HPGDS: variants seen among roughly 807,000 people sequenced by gnomAD.
The protein encoded by HPGDS is hematopoietic prostaglandin D synthase.
Under a neutral mutation model 23.1 loss-of-function variants are expected in HPGDS, and 26 were observed. The ratio of observed to expected loss-of-function variants is 1.13; its 90% CI spans 0.83 to 1.56. The LOEUF (loss-of-function observed/expected upper bound fraction) is 1.56, where lower values mean the gene tolerates loss of function less well. HPGDS is among the 40% of genes most tolerant of loss of function. HPGDS has a pLI of 0.00. For synonymous variants in HPGDS, 95 were observed against 77.9 expected (o/e 1.22, Z -1.16); for missense variants, 268 against 236.4 (o/e 1.13, Z -0.88).
chr4:94,319,928 C>T (rs1262870021), intron 2 of HPGDS, among the ~76,000 whole-genome samples: 2 of 152,122 alleles, frequency 1.3e-5, no homozygotes. Context: ...CACCCTGCAA[C>T]AGGCCCCAGT....
chr4:94,336,072 G>T lies in HPGDS; in HGVS notation c.-9-1434C>A, dbSNP rs925646308. On this transcript the variant is annotated intron_variant, in intron 1 of 5. Transcript: ENST00000295256. ...AATACAAAAATTAGCCAGGTGTGGT[G>T]GTGCGCGCCTGTAATCCCAGCTATT... Among the ~76,000 whole-genome samples, 9 of 152,050 alleles carry T rather than the reference G, an allele frequency of 5.9e-5. No individual in the cohort carries two copies. The South Asian group carries it at 6.2e-4, about 11-fold the overall frequency.
chr4:94,335,684 T>C (rs1720994685), intron 1 of HPGDS, among the ~76,000 whole-genome samples: 1 of 152,198 alleles, frequency 6.6e-6, no homozygotes, highest in South Asian at 2.1e-4. Flanking sequence ...ATAATGACTT[T>C]GATCTCATTC....
At chr4:94,340,311 C>CTTTCTTTTTCTTTTTTTCTTTTTT in intron 1 of HPGDS, among the ~76,000 whole-genome samples, 1 of 23,678 alleles carries the variant, frequency 4.2e-5, no homozygotes, top group African/African-American at 1.5e-4. Context: ...CTTTCTTTCT[C>CTTTCTTTTTCTTTTTTTCTTTTTT]TTTTTTTTTT....
At chr4:94,304,641 G>A (rs1303377663) in intron 4 of HPGDS, among the ~76,000 whole-genome samples, 2 of 152,008 alleles carry the variant, frequency 1.3e-5, no homozygotes. Flanking sequence ...TTATATATTA[G>A]CCAAGTCCTG....
At chr4:94,309,864 A>G (rs995833053) in intron 3 of HPGDS, among the ~76,000 whole-genome samples, 19 of 152,004 alleles carry the variant, frequency 1.2e-4, no homozygotes, top group Admixed American at 1.3e-4. Context: ...TTTGATTTAC[A>G]TTTCTCTGAT....
At chr4:94,316,023 A>G (rs1756390312) in intron 3 of HPGDS, among the ~76,000 whole-genome samples, 1 of 152,056 alleles carries the variant, frequency 6.6e-6, no homozygotes, top group Non-Finnish European at 1.5e-5. Flanking sequence ...CTTTTCTCAA[A>G]CCAGCTCTCC....
chr4:94,331,641 T>C (rs1756738286), intron 2 of HPGDS, among the ~76,000 whole-genome samples: 1 of 152,136 alleles, frequency 6.6e-6, no homozygotes, highest in South Asian at 2.1e-4. Flanking sequence ...AGCCTTCTGA[T>C]TGTAGAGCAG....
At chr4:94,332,455 C>T (rs918673541) in intron 2 of HPGDS, among the ~76,000 whole-genome samples, 4 of 152,222 alleles carry the variant, frequency 2.6e-5, no homozygotes, top group African/African-American at 9.6e-5. Context: ...GATAACACAC[C>T]GCTGTCCATG....
At chr4:94,317,728 G>T in intron 3 of HPGDS, 145 bp downstream of exon 3, 1 of 513,164 alleles carries the variant, frequency 1.9e-6, no homozygotes, top group Non-Finnish European at 3.4e-6. Flanking sequence ...AACTGATACA[G>T]GTGGTATATT....
At chr4:94,328,162 C>T (rs886674048) in intron 2 of HPGDS, among the ~76,000 whole-genome samples, 22 of 152,240 alleles carry the variant, frequency 1.4e-4, no homozygotes, top group African/African-American at 4.3e-4. Context: ...GAGTCCCTCC[C>T]GGCTCCAAGC....
chr4:94,332,470 G>A (rs1217312787), intron 2 of HPGDS, among the ~76,000 whole-genome samples: 1 of 152,250 alleles, frequency 6.6e-6, no homozygotes, highest in Non-Finnish European at 1.5e-5. Flanking sequence ...TCCATGGATG[G>A]CAGGGCTAAG....
intron 2 of HPGDS, among the ~76,000 whole-genome samples, chr4:94,323,484 T>A (rs1756560054): frequency 6.6e-6 from 1 of 152,222 alleles, no homozygotes; most frequent in African/African-American, 2.4e-5. Flanking sequence ...AGTTAGCTCT[T>A]CTTGTTGAAT....
At chr4:94,341,849 T>C (rs1377650872) in intron 1 of HPGDS, among the ~76,000 whole-genome samples, 2 of 152,168 alleles carry the variant, frequency 1.3e-5, no homozygotes, top group African/African-American at 4.8e-5. Context: ...AATGTAAAAA[T>C]TGGATTCAGA....
At chr4:94,304,194 G>A (rs116245710) in intron 4 of HPGDS, among the ~76,000 whole-genome samples, 36 of 152,012 alleles carry the variant, frequency 2.4e-4, no homozygotes, top group African/African-American at 7.7e-4. Flanking sequence ...AGAGAGGTTC[G>A]TATATTTCTC....
intron 2 of HPGDS, among the ~76,000 whole-genome samples, chr4:94,325,870 A>T (rs550309391): frequency 6.6e-6 from 1 of 152,150 alleles, no homozygotes; most frequent in South Asian, 2.1e-4. Flanking sequence ...TGCATCAGTC[A>T]CGCTGGGAGC....
intron 2 of HPGDS, among the ~76,000 whole-genome samples, chr4:94,326,465 T>C (rs1560593180): frequency 6.6e-6 from 1 of 151,822 alleles, no homozygotes; most frequent in Non-Finnish European, 1.5e-5. Flanking sequence ...GTCTTCAAGT[T>C]CAGAAATTCT....
chr4:94,341,825 C>T (rs558400863), intron 1 of HPGDS, among the ~76,000 whole-genome samples: 1 of 152,126 alleles, frequency 6.6e-6, no homozygotes, highest in East Asian at 1.9e-4. Flanking sequence ...ATTATATAGA[C>T]CCTGGTGTTC....
At chr4:94,331,486 AC>A (rs1463580502) in intron 2 of HPGDS, among the ~76,000 whole-genome samples, 2 of 152,162 alleles carry the variant, frequency 1.3e-5, no homozygotes, top group Admixed American at 1.3e-4. Flanking sequence ...AATAAAAACT[AC>A]CTGTAAGCTC....
chr4:94,305,130 A>G lies in HPGDS; in HGVS notation c.337-2886T>C, dbSNP rs185357161. Among the ~76,000 whole-genome samples, 1,009 of 152,240 alleles carry G rather than the reference A, an allele frequency of 6.6e-3. 14 individuals are homozygous for G. Among genetic ancestry groups the G allele is most frequent in the African/African-American group, 0.023 (960 of 41,550 alleles). ...AATATTTAACACTTCCTACCTAGCC[A>G]TAGGCACATATGCTAACATTTAATC... On this transcript the variant is annotated intron_variant, in intron 4 of 5. Coordinates refer to ENST00000295256, the MANE Select transcript of HPGDS (RefSeq NM_014485.3).
Sources: gnomAD v4.1 joint callset for allele counts (sites outside exome capture counted in the v4.1 genomes callset) on GRCh38, gnomAD v4.1.1 for gene constraint, MANE v1.5 for transcripts, NCBI Gene and HGNC (gene_info 2026-07-23, HGNC 2026-07-21) for gene names.